Variants in EPHA5 observed in about 807,000 individuals in gnomAD.
EPHA5 encodes EPH receptor A5.
Under a neutral mutation model 105.0 loss-of-function variants are expected in EPHA5, and 60 were observed. That is an observed-to-expected ratio of 0.57 (90% CI 0.46 to 0.71). The LOEUF (loss-of-function observed/expected upper bound fraction) is 0.71. EPHA5 is among the 30% of genes least tolerant of loss of function. EPHA5 has a pLI of 0.00. For synonymous variants in EPHA5, 513 were observed against 449.1 expected (o/e 1.14, Z -1.80); for missense variants, 1,218 against 1,274.7 (o/e 0.96, Z 0.68).
chr4:65,464,067 C>A (rs1409538509), intron 5 of EPHA5, among the ~76,000 whole-genome samples: 2 of 151,512 alleles, frequency 1.3e-5, no homozygotes, highest in Non-Finnish European at 2.9e-5. Context: ...GACCTCAAAG[C>A]CTTGTCTTTC....
intron 5 of EPHA5, among the ~76,000 whole-genome samples, chr4:65,471,654 G>T (rs1373151354): frequency 6.6e-6 from 1 of 152,140 alleles, no homozygotes; most frequent in Non-Finnish European, 1.5e-5. Context: ...ATGGTGGCAG[G>T]TGACAGAGAG....
At chr4:65,567,338 T>G (rs1739654483) in intron 3 of EPHA5, among the ~76,000 whole-genome samples, 1 of 151,650 alleles carries the variant, frequency 6.6e-6, no homozygotes. Context: ...TAATACTTGG[T>G]CTTGAAATGC....
At chr4:65,576,038 G>GA (rs1238864386) in intron 3 of EPHA5, among the ~76,000 whole-genome samples, 4 of 74,406 alleles carry the variant, frequency 5.4e-5, no homozygotes, top group Non-Finnish European at 8.0e-5. Context: ...AAGAAAGAAA[G>GA]AAAGAAAGAA....
intron 5 of EPHA5, among the ~76,000 whole-genome samples, chr4:65,473,423 G>T (rs779410309): frequency 2.0e-5 from 3 of 152,180 alleles, no homozygotes; most frequent in Non-Finnish European, 4.4e-5. Flanking sequence ...AACAAAGGAG[G>T]TTTAATTGAC....
intron 11 of EPHA5, among the ~76,000 whole-genome samples, chr4:65,361,527 T>C (rs79444961): frequency 0.025 from 3,743 of 150,006 alleles, 61 homozygotes; most frequent in Non-Finnish European, 0.039. Flanking sequence ...AGTGACAAAA[T>C]GGGAAGAGTA....
intron 6 of EPHA5, among the ~76,000 whole-genome samples, chr4:65,415,162 A>G (rs1367479855): frequency 4.7e-4 from 72 of 152,134 alleles, no homozygotes; most frequent in Admixed American, 4.7e-3. Flanking sequence ...TAGACTAACC[A>G]TCCATAGCTC....
chr4:65,478,669 G>A (rs1216305972), intron 5 of EPHA5, among the ~76,000 whole-genome samples: 14 of 151,828 alleles, frequency 9.2e-5, no homozygotes, highest in Non-Finnish European at 2.1e-4. Context: ...ATGGGGTTCC[G>A]CCATGCTGGC....
chr4:65,559,468 G>A (rs1045199622), intron 3 of EPHA5, among the ~76,000 whole-genome samples: 9 of 152,142 alleles, frequency 5.9e-5, no homozygotes, highest in African/African-American at 1.7e-4. Flanking sequence ...CTCCTCTTGG[G>A]CAGGAAATCA....
At chr4:65,349,265 A>G (rs937835321) in intron 13 of EPHA5, among the ~76,000 whole-genome samples, 5 of 152,100 alleles carry the variant, frequency 3.3e-5, no homozygotes, top group African/African-American at 1.2e-4. Context: ...GACTAAACCA[A>G]ATTAAAAATT....
intron 11 of EPHA5, among the ~76,000 whole-genome samples, chr4:65,358,384 AG>A (rs1185766930): frequency 6.6e-6 from 1 of 151,590 alleles, no homozygotes; most frequent in Non-Finnish European, 1.5e-5. Context: ...AATGATTAAA[AG>A]TAAGCCTCTG....
intron 3 of EPHA5, among the ~76,000 whole-genome samples, chr4:65,519,002 G>T (rs578056723): frequency 6.6e-6 from 1 of 152,058 alleles, no homozygotes; most frequent in Non-Finnish European, 1.5e-5. Context: ...GCCTGGCAGA[G>T]ACACAACCAA....
At chr4:65,478,087 C>T (rs758634522) in intron 5 of EPHA5, among the ~76,000 whole-genome samples, 65 of 152,226 alleles carry the variant, frequency 4.3e-4, no homozygotes, top group Non-Finnish European at 7.2e-4. Flanking sequence ...AACTGTTTTC[C>T]AAACAGCAAA....
chr4:65,398,963 G>A (rs1455464005), intron 8 of EPHA5, among the ~76,000 whole-genome samples: 1 of 152,182 alleles, frequency 6.6e-6, no homozygotes, highest in Non-Finnish European at 1.5e-5. Flanking sequence ...CTGACACTGA[G>A]TGGTGAGAGT....
At chr4:65,494,121 T>C (rs940884753) in intron 4 of EPHA5, among the ~76,000 whole-genome samples, 1 of 152,172 alleles carries the variant, frequency 6.6e-6, no homozygotes, top group African/African-American at 2.4e-5. Context: ...GAAGAGGAAA[T>C]TATTTTTCAC....
At chr4:65,371,089 T>C (rs1718419840) in intron 8 of EPHA5, among the ~76,000 whole-genome samples, 5 of 151,990 alleles carry the variant, frequency 3.3e-5, no homozygotes, top group Admixed American at 3.3e-4. Flanking sequence ...AAATGATGTC[T>C]TTTTTTTCTG....
chr4:65,539,496 A>T (rs980169352), intron 3 of EPHA5, among the ~76,000 whole-genome samples: 1 of 151,546 alleles, frequency 6.6e-6, no homozygotes, highest in Non-Finnish European at 1.5e-5. Flanking sequence ...ATTCCGTTTG[A>T]TTCTATAACC....
chr4:65,587,161 T>C (rs1742202157), intron 3 of EPHA5, among the ~76,000 whole-genome samples: 1 of 152,108 alleles, frequency 6.6e-6, no homozygotes, highest in Admixed American at 6.6e-5. Flanking sequence ...AAATGTGTAA[T>C]TTCGGAATTG....
At chr4:65,552,742 C>A (rs1420944301) in intron 3 of EPHA5, among the ~76,000 whole-genome samples, 1 of 152,098 alleles carries the variant, frequency 6.6e-6, no homozygotes, top group Non-Finnish European at 1.5e-5. Flanking sequence ...GTTTTCTCTG[C>A]ATGTTTTGTT....
intron 8 of EPHA5, among the ~76,000 whole-genome samples, chr4:65,375,786 TACAC>T (rs72454890): frequency 0.16 from 20,529 of 132,416 alleles, 1,603 homozygotes; most frequent in East Asian, 0.31. Flanking sequence ...CACACACACA[TACAC>T]ACACACACAC....
Sources: allele counts gnomAD v4.1 joint callset (sites outside exome capture counted in the v4.1 genomes callset), GRCh38; gene constraint gnomAD v4.1.1; transcripts MANE v1.5; gene names NCBI Gene and HGNC (gene_info 2026-07-23, HGNC 2026-07-21).